The following CDC42EP3 variants were observed in gnomAD, a reference collection of about 807,000 sequenced individuals.
CDC42EP3 encodes the protein CDC42 effector protein 3.
In CDC42EP3, 4 loss-of-function variants were observed where a neutral mutation model predicts 15.5. The ratio of observed to expected loss-of-function variants is 0.26; its 90% CI spans 0.13 to 0.59. The LOEUF (loss-of-function observed/expected upper bound fraction) is 0.59. CDC42EP3 is among the 20% of genes least tolerant of loss of function. The pLI is 0.89. For missense variants in CDC42EP3, 309 were observed against 311.2 expected (o/e 0.99, Z 0.05); for synonymous variants, 145 against 130.3 (o/e 1.11, Z -0.77).
intron 1 of CDC42EP3, among the ~76,000 whole-genome samples, chr2:37,669,043 G>A (rs1056088415): frequency 6.6e-6 from 1 of 152,022 alleles, no homozygotes; most frequent in East Asian, 1.9e-4. Context: ...ACAGGATTCT[G>A]GTTAGTAAGA....
At chr2:37,651,079 A>G (rs1316755182) in intron 1 of CDC42EP3, among the ~76,000 whole-genome samples, 3 of 152,238 alleles carry the variant, frequency 2.0e-5, no homozygotes, top group African/African-American at 7.2e-5. Flanking sequence ...CAAAGGATGA[A>G]GAAGTGCTTA....
intron 1 of CDC42EP3, among the ~76,000 whole-genome samples, chr2:37,665,081 T>A (rs887299961): frequency 2.0e-5 from 3 of 152,170 alleles, no homozygotes; most frequent in Middle Eastern, 3.4e-3. Context: ...ATTACTGGAT[T>A]TCACCTTATG....
Position 37,646,378 on chromosome 2 carries a change from C to T in CDC42EP3, c.210G>A (p.Gln70=). The change falls in exon 2 of 2, where the codon CAG becomes CAA. Residue 70 remains glutamine (Q), a synonymous_variant. Coordinates refer to ENST00000295324, the MANE Select transcript of CDC42EP3 (RefSeq NM_006449.5). ...GGAACTGGCCCAGGTGTGCTTTCTC[C>T]TGGTTTCCAGGTAAAAGCTCGTAGT... ...QGNYELLPGN[Q]EKAHLGQFPG... 11 of 1,613,978 alleles carry T rather than the reference C, an allele frequency of 6.8e-6. No individual in the cohort carries two copies. Among genetic ancestry groups the T allele is most frequent in the Non-Finnish European group, 9.3e-6 (11 of 1,179,958 alleles).
rs1395528528 is a variant in CDC42EP3, at chr2:37,645,305, A to T, written c.*518T>A. 2 of 152,712 alleles carry T rather than the reference A, an allele frequency of 1.3e-5. No individual in the cohort carries two copies. Among genetic ancestry groups the T allele is most frequent in the African/African-American group, 4.8e-5 (2 of 41,468 alleles). The allele number at this position is 152,712 out of a possible 1,614,324, so 9.5% of individuals were successfully genotyped here. A position where few individuals can be genotyped will look rare whatever the true frequency, so the allele number is the denominator to read the frequency against. ...AGGGATATATAAGAACTACAAGAAAATCCCCAAAACCCATAAAGTTCAAAT... is the reference window on the plus strand; with the variant it reads ...AGGGATATATAAGAACTACAAGAAATTCCCCAAAACCCATAAAGTTCAAAT... On this transcript the variant is annotated 3_prime_UTR_variant, in exon 2 of 2. Transcript: ENST00000295324.
chr2:37,658,401 T>C (rs947537989), intron 1 of CDC42EP3, among the ~76,000 whole-genome samples: 2 of 152,196 alleles, frequency 1.3e-5, no homozygotes, highest in African/African-American at 4.8e-5. Flanking sequence ...CCATATTCCT[T>C]GTGCACAGTA....
upstream of CDC42EP3, chr2:37,671,649 G>A (rs1210660370): frequency 1.3e-5 from 2 of 152,298 alleles, no homozygotes; most frequent in East Asian, 1.9e-4. Context: ...GACTGAGCGC[G>A]GGGCGGCCGG....
chr2:37,672,167 A>G (rs9309013), upstream of CDC42EP3: 92,840 of 141,258 alleles, frequency 0.66, 28,743 homozygotes, highest in East Asian at 0.92. Flanking sequence ...GCAGCTCCCC[A>G]GGTCCCTCTC....
chr2:37,670,375 C>T (rs990061452), intron 1 of CDC42EP3, among the ~76,000 whole-genome samples: 1 of 152,148 alleles, frequency 6.6e-6, no homozygotes, highest in African/African-American at 2.4e-5. Context: ...CCCTAGAGCC[C>T]CCCTACAACC....
intron 1 of CDC42EP3, among the ~76,000 whole-genome samples, chr2:37,656,589 C>G (rs928788499): frequency 2.0e-5 from 3 of 152,210 alleles, no homozygotes; most frequent in Admixed American, 6.5e-5. Flanking sequence ...ATGTAATGCT[C>G]AGAGCATACC....
chr2:37,657,796 C>T (rs1295180881), intron 1 of CDC42EP3, among the ~76,000 whole-genome samples: 2 of 152,074 alleles, frequency 1.3e-5, no homozygotes, highest in African/African-American at 4.8e-5. Flanking sequence ...TGTGGGTTTT[C>T]GTGACTGGGG....
upstream of CDC42EP3, chr2:37,671,698 G>A (rs1666428874): frequency 6.6e-6 from 1 of 150,626 alleles, no homozygotes; most frequent in South Asian, 1.8e-4. Context: ...GGCGGCGCGG[G>A]GCGGGGCCGG....
upstream of CDC42EP3, chr2:37,671,822 G>GGGT (rs527872017): frequency 0.61 from 91,073 of 150,020 alleles, 28,112 homozygotes; most frequent in East Asian, 0.91. Flanking sequence ...CGCGCGCGCG[G>GGGT]GGGGGGGTCA....
At position 37,646,507 on chromosome 2, in the gene CDC42EP3, A is replaced by C. The variant is rs61731518; in HGVS notation, c.81T>G (p.Ser27=). 2.5e-4 allele frequency: 399 copies of C among 1,601,564 alleles called. 1 individual carries two copies. The African/African-American group carries it at 4.8e-3, about 19-fold the overall frequency. Residue 27 remains serine (S), a synonymous_variant, in exon 2 of 2, where the codon TCT becomes TCG. Transcript: ENST00000295324. ...CAAGCGGGGGACTGATCATATCAGG[A>C]GACAGAATGTCCCTCAGTTTAAATT... ...GKKFKLRDIL[S]PDMISPPLGD...
intron 1 of CDC42EP3, among the ~76,000 whole-genome samples, chr2:37,651,314 A>C (rs1439363097): frequency 6.6e-6 from 1 of 152,206 alleles, no homozygotes; most frequent in Non-Finnish European, 1.5e-5. Context: ...AAATCATGTT[A>C]ATGAACTGGC....
intron 1 of CDC42EP3, among the ~76,000 whole-genome samples, chr2:37,661,649 T>C (rs1052152120): frequency 1.4e-4 from 21 of 152,224 alleles, no homozygotes; most frequent in African/African-American, 4.8e-4. Flanking sequence ...CGTTATAAAC[T>C]GGACGGCAAG....
At chr2:37,658,272 G>T (rs1445113413) in intron 1 of CDC42EP3, among the ~76,000 whole-genome samples, 1 of 152,182 alleles carries the variant, frequency 6.6e-6, no homozygotes, top group Non-Finnish European at 1.5e-5. Context: ...AGATCTTTTT[G>T]ACATTGCCTT....
At position 37,643,195 on chromosome 2, in the gene CDC42EP3, G is replaced by A. The variant is rs1665324406; in HGVS notation, c.*2628C>T. 6.6e-6 allele frequency: 1 copy of A among 152,138 alleles called. No homozygotes were observed. Among genetic ancestry groups the A allele is most frequent in the Non-Finnish European group, 1.5e-5 (1 of 68,028 alleles). 9.4% of individuals were successfully genotyped at this position (152,138 alleles called of 1,614,324 possible). On this transcript the variant is annotated 3_prime_UTR_variant, in exon 2 of 2. Transcript: ENST00000295324. ...GTAAAGATAAATTAGGTTAAAGTGG[G>A]AGAAGGTTCACAGGATGAGAACATC...
At chr2:37,662,218 T>C (rs1666078272) in intron 1 of CDC42EP3, among the ~76,000 whole-genome samples, 1 of 152,242 alleles carries the variant, frequency 6.6e-6, no homozygotes, top group African/African-American at 2.4e-5. Context: ...AGCCATGTAG[T>C]GACTCCCTTT....
Position 37,646,486 on chromosome 2 carries a change from C to A in CDC42EP3, c.102G>T (p.Pro34=), listed in dbSNP as rs7560028. 37 of 1,613,662 alleles carry A rather than the reference C, an allele frequency of 2.3e-5. No homozygotes were observed. Among genetic ancestry groups the A allele is most frequent in the Middle Eastern group, 1.6e-4 (1 of 6,078 alleles). The part of the protein sequence containing the change: ...DILSPDMISP[P]LGDFRHTIHI... ...GGATGGTGTGGCGAAAGTCTCCAAG[C>A]GGGGGACTGATCATATCAGGAGACA... is the stretch of plus-strand genomic sequence containing the variant. The change falls in exon 2 of 2, where the codon CCG becomes CCT. Residue 34 remains proline, a synonymous_variant. Transcript: ENST00000295324.
Sources: gnomAD v4.1 joint callset for allele counts (sites outside exome capture counted in the v4.1 genomes callset) on GRCh38, gnomAD v4.1.1 for gene constraint, MANE v1.5 for transcripts, NCBI Gene and HGNC (gene_info 2026-07-23, HGNC 2026-07-21) for gene names.